The following CALCRL variants were observed in gnomAD, a reference collection of about 807,000 sequenced individuals.
CALCRL encodes calcitonin gene-related peptide type 1 receptor.
In CALCRL, 27 loss-of-function variants were observed where a neutral mutation model predicts 60.4. The observed-to-expected ratio is 0.45, with a 90% CI of 0.33 to 0.62. The LOEUF is 0.62. Among genes scored for constraint, CALCRL ranks in the 20% least tolerant of loss-of-function variants. The pLI is 0.03. For synonymous variants in CALCRL, 190 were observed against 182.6 expected (o/e 1.04, Z -0.33); for missense variants, 424 against 540.7 (o/e 0.78, Z 2.14).
chr2:187,445,978 T>C (rs1248808624), intron 1 of CALCRL, among the ~76,000 whole-genome samples: 1 of 151,610 alleles, frequency 6.6e-6, no homozygotes, highest in Non-Finnish European at 1.5e-5. Context: ...TATAAAAATC[T>C]ACATATTTTA....
chr2:187,442,593 A>G (rs1022754849), intron 1 of CALCRL, among the ~76,000 whole-genome samples: 4 of 151,862 alleles, frequency 2.6e-5, no homozygotes, highest in African/African-American at 9.7e-5. Context: ...ATAAGTTCCT[A>G]TAATAAGAAC....
At chr2:187,353,674 A>G (rs768591056) in intron 12 of CALCRL, among the ~76,000 whole-genome samples, 3 of 151,982 alleles carry the variant, frequency 2.0e-5, no homozygotes, top group Non-Finnish European at 4.4e-5. Flanking sequence ...TGTGAGAATG[A>G]AATGTGACAA....
At chr2:187,362,575 G>GACAC (rs3836102) in intron 9 of CALCRL, among the ~76,000 whole-genome samples, 72,715 of 151,154 alleles carry the variant, frequency 0.48, 17,666 homozygotes, top group East Asian at 0.62. Context: ...ACTTTATATA[G>GACAC]ACACACACAC....
intron 1 of CALCRL, among the ~76,000 whole-genome samples, chr2:187,406,549 G>C (rs1399661558): frequency 6.6e-6 from 1 of 152,008 alleles, no homozygotes; most frequent in Non-Finnish European, 1.5e-5. Flanking sequence ...AGGAAGCATT[G>C]AGAAGTCTAA....
intron 1 of CALCRL, among the ~76,000 whole-genome samples, chr2:187,398,377 A>G (rs1688745883): frequency 6.6e-6 from 1 of 151,642 alleles, no homozygotes; most frequent in Non-Finnish European, 1.5e-5. Flanking sequence ...GTTGCATACC[A>G]GTCCATAAGC....
intron 8 of CALCRL, among the ~76,000 whole-genome samples, chr2:187,365,726 A>C (rs1042378625): frequency 6.6e-6 from 1 of 152,232 alleles, no homozygotes; most frequent in Non-Finnish European, 1.5e-5. Flanking sequence ...GCCATTAAAA[A>C]AATGAACTTC....
At chr2:187,408,964 AG>A (rs1356107929) in intron 1 of CALCRL, among the ~76,000 whole-genome samples, 1 of 152,210 alleles carries the variant, frequency 6.6e-6, no homozygotes, top group Admixed American at 6.5e-5. Flanking sequence ...TACATTTTAA[AG>A]GGAGCATGAA....
intron 8 of CALCRL, 114 bp from the exon 9 acceptor site, chr2:187,363,616 A>C: frequency 8.9e-7 from 1 of 1,121,952 alleles, no homozygotes; most frequent in East Asian, 2.8e-5. Context: ...TGAAACAATT[A>C]TTTTTTCTCC....
At chr2:187,381,115 A>G (rs1276562883) in intron 5 of CALCRL, among the ~76,000 whole-genome samples, 1 of 152,174 alleles carries the variant, frequency 6.6e-6, no homozygotes, top group African/African-American at 2.4e-5. Flanking sequence ...TAGCGTCCCT[A>G]TGCTTAAAAT....
chr2:187,403,291 G>A (rs187906243), intron 1 of CALCRL, among the ~76,000 whole-genome samples: 9 of 151,960 alleles, frequency 5.9e-5, no homozygotes, highest in African/African-American at 1.7e-4. Context: ...GTATCTGAGT[G>A]GGTTCCAATC....
intron 1 of CALCRL, among the ~76,000 whole-genome samples, chr2:187,411,041 T>C (rs537134340): frequency 6.6e-6 from 1 of 152,204 alleles, no homozygotes; most frequent in East Asian, 1.9e-4. Flanking sequence ...TTGCATGAAA[T>C]AAAAATCAAC....
chr2:187,436,391 C>T (rs1690645982), intron 1 of CALCRL, among the ~76,000 whole-genome samples: 1 of 152,154 alleles, frequency 6.6e-6, no homozygotes, highest in African/African-American at 2.4e-5. Flanking sequence ...ATCAGTGTAG[C>T]CCAACCTGTA....
intron 1 of CALCRL, chr2:187,415,875 G>A (rs550444640): frequency 6.7e-6 from 2 of 297,722 alleles, no homozygotes; most frequent in South Asian, 9.7e-5. Flanking sequence ...CCCAGCAAGA[G>A]CACGAGAGGA....
At position 187,359,155 on chromosome 2, in the gene CALCRL, T is replaced by C. The variant is rs766168334; in HGVS notation, c.843-26A>G. On this transcript the variant is annotated intron_variant, in intron 11 of 14. Transcript: ENST00000392370. The stretch of plus-strand genomic sequence containing the variant: ...CTAGAGAAAACATAATAACATTATG[T>C]TGAAAATTTTTATTTTACATTATTC... The C allele has an allele frequency of 3.7e-6, 6 of 1,605,384 alleles. No homozygotes were observed. The South Asian group carries it at 5.5e-5, about 15-fold the overall frequency.
chr2:187,381,005 A>G (rs1039750994), intron 5 of CALCRL, among the ~76,000 whole-genome samples: 1 of 152,034 alleles, frequency 6.6e-6, no homozygotes, highest in Admixed American at 6.6e-5. Flanking sequence ...AAAATATCTA[A>G]ATATATAAAG....
At chr2:187,393,042 G>A (rs2105806077) in intron 1 of CALCRL, among the ~76,000 whole-genome samples, 1 of 152,244 alleles carries the variant, frequency 6.6e-6, no homozygotes, top group East Asian at 1.9e-4. Flanking sequence ...CAAGCTGTAT[G>A]TCCTCTTTAG....
chr2:187,443,525 T>C (rs921967671), intron 1 of CALCRL, among the ~76,000 whole-genome samples: 2 of 151,732 alleles, frequency 1.3e-5, no homozygotes, highest in African/African-American at 4.8e-5. Context: ...CTTCTATAAA[T>C]ACCATATACC....
rs909914682 is a variant in CALCRL, at chr2:187,342,702, A to C, written c.*3482T>G. Among the ~76,000 whole-genome samples, 4 of 151,642 alleles carry C rather than the reference A, an allele frequency of 2.6e-5. No homozygotes were observed. The highest frequency in any genetic ancestry group is 2.0e-4 in the Admixed American group (3 of 15,218). On this transcript the variant is annotated 3_prime_UTR_variant, in exon 15 of 15. Coordinates refer to ENST00000392370, the MANE Select transcript of CALCRL (RefSeq NM_005795.6). ...TCATAAAAATAAAAATTAGTTATTA[A>C]GTGGAATGCAACTGATTATTGCCCT...
intron 8 of CALCRL, among the ~76,000 whole-genome samples, chr2:187,375,278 C>CAAAAAAAA (rs35276351): frequency 8.7e-6 from 1 of 115,370 alleles, no homozygotes; most frequent in Non-Finnish European, 1.7e-5. Context: ...GACTCCGTCT[C>CAAAAAAAA]AAAAAAAAAA....
Sources: gnomAD v4.1 joint callset for allele counts (sites outside exome capture counted in the v4.1 genomes callset) on GRCh38, gnomAD v4.1.1 for gene constraint, MANE v1.5 for transcripts, NCBI Gene and HGNC (gene_info 2026-07-23, HGNC 2026-07-21) for gene names.